EXTL3: variants seen among roughly 807,000 people sequenced by gnomAD.
EXTL3 encodes the protein exostosin like glycosyltransferase 3.
Under a neutral mutation model 69.3 loss-of-function variants are expected in EXTL3, and 27 were observed. The observed-to-expected ratio is 0.39, with a 90% CI of 0.29 to 0.54. EXTL3 has a LOEUF of 0.54. EXTL3 is among the 20% of genes least tolerant of loss of function. The probability of loss-of-function intolerance (pLI) is 0.69; values close to 1 mark genes in which losing one functional copy is unlikely to be tolerated. For missense variants in EXTL3, 1,003 were observed against 1,231.8 expected, an observed-to-expected ratio of 0.81 and a Z score of 2.78; for synonymous variants, 511 against 499.4, an observed-to-expected ratio of 1.02 and a Z score of -0.31.
intron 6 of EXTL3, among the ~76,000 whole-genome samples, chr8:28,743,717 T>C (rs1014658850): frequency 3.3e-5 from 5 of 152,216 alleles, no homozygotes; most frequent in Admixed American, 1.3e-4. Flanking sequence ...TGTCACTGTG[T>C]TTTACTGTAA....
At chr8:28,639,675 A>G (rs1193777020) in intron 1 of EXTL3, among the ~76,000 whole-genome samples, 1 of 152,192 alleles carries the variant, frequency 6.6e-6, no homozygotes, top group African/African-American at 2.4e-5. Flanking sequence ...CCCTCCTGAC[A>G]GCTGCTTTTT....
At chr8:28,730,052 A>C (rs1031564937) in intron 3 of EXTL3, 1 of 152,176 alleles carries the variant, frequency 6.6e-6, no homozygotes, top group African/African-American at 2.4e-5. Flanking sequence ...TATAGAATAA[A>C]TGATTCTCCT....
In EXTL3 at chr8:28,623,350, A is replaced by G. The variant is rs1806443681; in HGVS notation, c.-53+540A>G. ...GAGGACACCACAGAATGCGGACCCC[A>G]AAGCCAGCCGTACCTGCGAGCCCCT... On this transcript the variant is annotated intron_variant, in intron 1 of 6. Transcript: ENST00000523149. The surrounding 1 kb of genome is among the most constrained non-coding windows in gnomAD (Gnocchi z 4.2). Among the ~76,000 whole-genome samples the G allele has an allele frequency of 6.6e-6, 1 of 152,212 alleles. No individual in the cohort carries two copies.
chr8:28,663,803 C>T (rs959656443), intron 1 of EXTL3, among the ~76,000 whole-genome samples: 1 of 152,108 alleles, frequency 6.6e-6, no homozygotes, highest in Non-Finnish European at 1.5e-5. Flanking sequence ...TACAAGACAG[C>T]GTTCTCAAAC....
rs138925310 is a variant in EXTL3 at position 28,706,546 on chromosome 8, T to G, written c.-570+4887T>G. ...TGCCAAATTGTGCTCCAGAAAGGTGTGCCAATTTGCAATCCCAGCAGCCAA... is the reference window on the plus strand; with the variant it reads ...TGCCAAATTGTGCTCCAGAAAGGTGGGCCAATTTGCAATCCCAGCAGCCAA... On this transcript the variant is annotated intron_variant, in intron 1 of 6. Transcript: ENST00000220562. 5.9e-3 allele frequency among the ~76,000 whole-genome samples: 905 copies of G among 152,358 alleles called. 6 individuals are homozygous for G. Among genetic ancestry groups the G allele is most frequent in the African/African-American group, 0.02 (849 of 41,594 alleles).
intron 1 of EXTL3, among the ~76,000 whole-genome samples, chr8:28,671,662 C>T (rs148466409): frequency 1.2e-4 from 19 of 152,162 alleles, no homozygotes; most frequent in African/African-American, 4.6e-4. Flanking sequence ...TTAATTGTAC[C>T]TGTAAATGTT....
At chr8:28,706,573 T>A (rs1207925579) in intron 1 of EXTL3, among the ~76,000 whole-genome samples, 3 of 152,244 alleles carry the variant, frequency 2.0e-5, no homozygotes, top group African/African-American at 7.2e-5. Context: ...AGCAGCCAAG[T>A]GTGGGAATGT....
chr8:28,699,699 G>T (rs1800746059), upstream of EXTL3: 1 of 152,430 alleles, frequency 6.6e-6, no homozygotes, highest in Admixed American at 6.5e-5. Flanking sequence ...GGTAGAGACA[G>T]GGTTTCACCA....
intron 1 of EXTL3, among the ~76,000 whole-genome samples, chr8:28,691,002 T>C (rs1156512795): frequency 2.0e-5 from 3 of 152,072 alleles, no homozygotes; most frequent in African/African-American, 7.2e-5. Context: ...TGGGGGGAAG[T>C]GTATGCCTTA....
At chr8:28,723,929 A>G (rs1159807595) in intron 3 of EXTL3, among the ~76,000 whole-genome samples, 2 of 151,718 alleles carry the variant, frequency 1.3e-5, no homozygotes, top group African/African-American at 2.4e-5. Context: ...GGTGTGAGCC[A>G]CCACCAGCAC....
At chr8:28,736,976 A>T (rs1801665465) in intron 4 of EXTL3, among the ~76,000 whole-genome samples, 1 of 152,132 alleles carries the variant, frequency 6.6e-6, no homozygotes, top group Non-Finnish European at 1.5e-5. Flanking sequence ...CTAATTACAA[A>T]CAAAAATTTT....
chr8:28,705,095 A>C (rs1432171576), intron 1 of EXTL3, among the ~76,000 whole-genome samples: 1 of 152,192 alleles, frequency 6.6e-6, no homozygotes, highest in Non-Finnish European at 1.5e-5. Flanking sequence ...GAAATCTTGG[A>C]GGTGAAACGA....
chr8:28,737,391 T>C, intron 4 of EXTL3, 128 bp from the exon 5 acceptor site: 1 of 1,007,370 alleles, frequency 9.9e-7, no homozygotes. Context: ...TTTTGTTTTA[T>C]TTTGAAAGGA....
At chr8:28,733,756 G>C (rs1801589841) in intron 4 of EXTL3, among the ~76,000 whole-genome samples, 1 of 150,674 alleles carries the variant, frequency 6.6e-6, no homozygotes, top group Non-Finnish European at 1.5e-5. Flanking sequence ...GTTAGCCTTT[G>C]TATATCTTCT....
chr8:28,704,325 A>G (rs1800875109), intron 1 of EXTL3, among the ~76,000 whole-genome samples: 1 of 152,256 alleles, frequency 6.6e-6, no homozygotes, highest in Non-Finnish European at 1.5e-5. Flanking sequence ...TATACATAAT[A>G]TATAAGAATG....
chr8:28,627,759 A>T (rs1806514920), intron 1 of EXTL3, among the ~76,000 whole-genome samples: 1 of 152,242 alleles, frequency 6.6e-6, no homozygotes, highest in Admixed American at 6.5e-5. Context: ...TTTAGCCTTA[A>T]AAAGGAAGTT....
In EXTL3 at chr8:28,608,858, C is replaced by CAAAACA. The variant is rs370349978; in HGVS notation, n.314+1125_314+1130dup. Among the ~76,000 whole-genome samples, 139 of 151,956 alleles carry CAAAACA rather than the reference C, an allele frequency of 9.1e-4. 1 individual carries two copies. The East Asian group carries it at 0.011, about 12-fold the overall frequency. On this transcript the variant is annotated intron_variant and non_coding_transcript_variant, in intron 2 of 4. Transcript: ENST00000522725. ...TGGGAGATAGAGCAAGACTGTGTCTCAAAACAAAAACAAAAACAAAAACAA... is the reference window on the plus strand; with the variant it reads ...TGGGAGATAGAGCAAGACTGTGTCTCAAAACAAAAACAAAAACAAAAACAAAAACAA...
Position 28,717,960 on chromosome 8 carries a change from C to G in EXTL3, c.1901C>G (p.Thr634Ser). The G allele has an allele frequency of 1.9e-6, 3 of 1,614,216 alleles. No homozygotes were observed. The highest frequency in any genetic ancestry group is 2.5e-6 in the Non-Finnish European group (3 of 1,180,040). The change falls in exon 3 of 7, where the codon ACT (threonine) becomes AGT (serine). Residue 634 changes from threonine to serine, a missense_variant. Thr to Ser is a moderately conservative substitution (Grantham distance 58). This residue lies in a region of EXTL3 where 261 missense variants were observed against 416.4 expected (regional missense o/e 0.63). Coordinates refer to ENST00000220562, the MANE Select transcript of EXTL3 (RefSeq NM_001440.4). The surrounding 1 kb of genome is among the most constrained non-coding windows in gnomAD (Gnocchi z 8.3). ...PSEAKFLGSG[T>S]GFRPIGGGAG... The stretch of plus-strand genomic sequence containing the variant: ...GAGGCCAAATTCTTGGGCTCAGGGA[C>G]TGGCTTTCGGCCTATTGGTGGTGGA...
In EXTL3 at chr8:28,656,634, G is replaced by A. The variant is rs1049763402; in HGVS notation, c.-53+33824G>A. Among the ~76,000 whole-genome samples the A allele has an allele frequency of 9.9e-5, 15 of 152,122 alleles. 1 individual carries two copies. The highest frequency in any genetic ancestry group is 2.1e-4 in the South Asian group (1 of 4,822). The stretch of plus-strand genomic sequence containing the variant: ...GTTTTGGGATAAATACCTTGCACAC[G>A]TCAAGGTCTACTGTATTTTTTCAAG... On this transcript the variant is annotated intron_variant, in intron 1 of 6. Coordinates refer to the EXTL3 transcript ENST00000523149.
Sources: gnomAD v4.1 joint callset for allele counts (sites outside exome capture counted in the v4.1 genomes callset) on GRCh38, gnomAD v4.1.1 for gene constraint, gnomAD v4.1.1 regional missense constraint, Gnocchi (gnomAD v3.1) non-coding constraint, MANE v1.5 for transcripts, NCBI Gene and HGNC (gene_info 2026-07-23, HGNC 2026-07-21) for gene names.